CLEC9A: variants seen among roughly 807,000 people sequenced by gnomAD.
CLEC9A encodes the protein C-type lectin domain family 9 member A.
A neutral mutation model predicts 30.0 loss-of-function variants in CLEC9A; 24 were observed. The ratio of observed to expected loss-of-function variants is 0.80; its 90% CI spans 0.58 to 1.13. The LOEUF (loss-of-function observed/expected upper bound fraction) is 1.13, where lower values mean the gene tolerates loss of function less well. Among genes scored for constraint, CLEC9A ranks in the 50% most tolerant of loss-of-function variants. CLEC9A has a pLI of 0.00. For missense variants in CLEC9A, 251 were observed against 280.9 expected (o/e 0.89, Z 0.76); for synonymous variants, 111 against 96.8 (o/e 1.15, Z -0.86).
intron 3 of CLEC9A, 72 bp from the exon 4 acceptor site, chr12:10,052,557 CA>C (rs1865902704): frequency 1.4e-6 from 2 of 1,437,742 alleles, no homozygotes; most frequent in Admixed American, 5.1e-5. Flanking sequence ...TCCTTAAACA[CA>C]AACATATTTT....
chr12:10,051,450 C>G (rs922159260), intron 2 of CLEC9A, among the ~76,000 whole-genome samples: 1 of 152,170 alleles, frequency 6.6e-6, no homozygotes, highest in East Asian at 1.9e-4. Context: ...CAACTTAATT[C>G]TTCAGGTGAC....
intron 2 of CLEC9A, among the ~76,000 whole-genome samples, chr12:10,044,238 G>A (rs547408303): frequency 5.3e-5 from 8 of 152,260 alleles, no homozygotes; most frequent in African/African-American, 1.9e-4. Flanking sequence ...GTTTTCCAAT[G>A]TCCAGTCTCA....
At chr12:10,061,082 A>G (rs1865992259) in intron 5 of CLEC9A, 45 bp from the exon 6 acceptor site, 2 of 1,595,078 alleles carry the variant, frequency 1.3e-6, no homozygotes, top group South Asian at 1.2e-5. Flanking sequence ...TTATTTTGCT[A>G]TAAAATGTCA....
chr12:10,054,431 A>T, intron 5 of CLEC9A, 80 bp downstream of exon 5: 1 of 918,920 alleles, frequency 1.1e-6, no homozygotes, highest in East Asian at 2.7e-5. Flanking sequence ...TGGAAAATCA[A>T]TTCATATGTG....
rs768905306 is a variant in CLEC9A, at chr12:10,065,545, C to T, written c.639C>T (p.Tyr213=). Reference sequence around the variant, plus strand: ...AGTCAGCTAACCAAGTCTGTGGATACGTGAAAAGCAATTCCCTTCTTTCGT... The same window carrying T: ...AGTCAGCTAACCAAGTCTGTGGATATGTGAAAAGCAATTCCCTTCTTTCGT... ...RSQSANQVCG[Y]VKSNSLLSSN... Residue 213 remains tyrosine, a synonymous_variant, in exon 9 of 9, where the codon TAC becomes TAT. Transcript: ENST00000355819. 34 of 1,613,796 alleles carry T rather than the reference C, an allele frequency of 2.1e-5. No individual in the cohort carries two copies. In the Admixed American group the frequency reaches 3.7e-4, roughly 17 times the overall value.
intron 6 of CLEC9A, among the ~76,000 whole-genome samples, chr12:10,061,850 A>G (rs1866001722): frequency 6.6e-6 from 1 of 152,226 alleles, no homozygotes; most frequent in Admixed American, 6.5e-5. Context: ...CATGTATTCT[A>G]TGCTTGGCAT....
intron 2 of CLEC9A, among the ~76,000 whole-genome samples, chr12:10,050,676 C>T (rs1186371020): frequency 6.6e-6 from 1 of 152,192 alleles, no homozygotes; most frequent in Non-Finnish European, 1.5e-5. Flanking sequence ...GAAAAGGAGT[C>T]TTTCTGAGCC....
At chr12:10,044,772 T>G (rs1299738567) in intron 2 of CLEC9A, among the ~76,000 whole-genome samples, 1 of 152,186 alleles carries the variant, frequency 6.6e-6, no homozygotes, top group Non-Finnish European at 1.5e-5. Context: ...GGCTTCTTAC[T>G]GGCATCACCC....
intron 2 of CLEC9A, among the ~76,000 whole-genome samples, chr12:10,048,391 G>A (rs1201811670): frequency 2.0e-5 from 3 of 147,708 alleles, no homozygotes; most frequent in Non-Finnish European, 4.5e-5. Context: ...AAAGACAACA[G>A]TGAAGTTTGT....
rs1408381252 is a variant in CLEC9A, at chr12:10,061,128, G to T, written c.174G>T (p.Leu58Phe). The T allele has an allele frequency of 1.5e-5, 24 of 1,609,440 alleles. No individual in the cohort carries two copies. Among genetic ancestry groups the T allele is most frequent in the Non-Finnish European group, 2.0e-5 (24 of 1,178,444 alleles). Residue 58 changes from leucine (L) to phenylalanine (F), a missense_variant and splice_region_variant, in exon 6 of 9, where the codon TTG becomes TTT. Leu to Phe is a conservative substitution (Grantham distance 22, BLOSUM62 0). Coordinates refer to ENST00000355819, the MANE Select transcript of CLEC9A (RefSeq NM_207345.4). Reference sequence around the variant, plus strand: ...AGGAATGATTGCTATCATGTGAAGTGTTGCAGGTGTCCACCATTGCGATGC... The same window carrying T: ...AGGAATGATTGCTATCATGTGAAGTTTTGCAGGTGTCCACCATTGCGATGC... The part of the protein sequence containing the change: ...LTASIFLGVK[L>F]LQVSTIAMQQ...
intron 5 of CLEC9A, among the ~76,000 whole-genome samples, chr12:10,055,915 C>T (rs937261270): frequency 3.3e-5 from 5 of 151,214 alleles, no homozygotes; most frequent in African/African-American, 4.9e-5. Flanking sequence ...AAAAATTAGC[C>T]GGGAGTGGTG....
At chr12:10,052,543 C>T (rs1370301400) in intron 3 of CLEC9A, 87 bp from the exon 4 acceptor site, 2 of 1,381,806 alleles carry the variant, frequency 1.4e-6, no homozygotes, top group African/African-American at 2.9e-5. Context: ...TGCATCTATT[C>T]TACTCCTTAA....
At chr12:10,059,135 A>C (rs1170755523) in intron 5 of CLEC9A, among the ~76,000 whole-genome samples, 1 of 152,204 alleles carries the variant, frequency 6.6e-6, no homozygotes, top group Non-Finnish European at 1.5e-5. Context: ...TTTTAAACCA[A>C]TTATATAACT....
At chr12:10,052,456 C>G in intron 3 of CLEC9A, 174 bp from the exon 4 acceptor site, 1 of 1,195,610 alleles carries the variant, frequency 8.4e-7, no homozygotes, top group Non-Finnish European at 1.1e-6. Context: ...ATTCTAAATT[C>G]AGTTCTCTCT....
chr12:10,046,383 G>T (rs1199212578), intron 2 of CLEC9A, among the ~76,000 whole-genome samples: 3 of 152,126 alleles, frequency 2.0e-5, no homozygotes, highest in African/African-American at 7.2e-5. Context: ...GTAATTTTTT[G>T]TGCAAAAGAA....
chr12:10,041,586 C>T lies in CLEC9A; in HGVS notation c.-197C>T, dbSNP rs1210596126. The T allele has an allele frequency of 5.7e-6, 3 of 523,090 alleles. No individual in the cohort carries two copies. In the African/African-American group the frequency reaches 5.8e-5, roughly 10 times the overall value. The allele number at this position is 523,090 out of a possible 1,614,324, so 32.4% of individuals were successfully genotyped here. On this transcript the variant is annotated 5_prime_UTR_variant, in exon 2 of 9. Transcript: ENST00000355819. ...GAGCAGTACTGCACTGACATGAAGG[C>T]TACTCTCCTGAAGACTGACAACCAG... is the stretch of plus-strand genomic sequence containing the variant.
chr12:10,060,388 T>C (rs1452695988), intron 5 of CLEC9A, among the ~76,000 whole-genome samples: 1 of 152,264 alleles, frequency 6.6e-6, no homozygotes, highest in African/African-American at 2.4e-5. Context: ...ATAGGTGAAC[T>C]ATTTATTTAA....
At chr12:10,060,955 C>T (rs1865991179) in intron 5 of CLEC9A, 172 bp from the exon 6 acceptor site, 2 of 708,556 alleles carry the variant, frequency 2.8e-6, no homozygotes, top group South Asian at 2.3e-5. Flanking sequence ...TGTTCCACGT[C>T]TTTTGTAGTG....
chr12:10,046,435 T>G (rs545849181), intron 2 of CLEC9A, among the ~76,000 whole-genome samples: 21 of 152,280 alleles, frequency 1.4e-4, no homozygotes, highest in African/African-American at 5.1e-4. Flanking sequence ...GTTTGTAAAA[T>G]GAATAAATGC....
Sources: gnomAD v4.1 joint callset for allele counts (sites outside exome capture counted in the v4.1 genomes callset) on GRCh38, gnomAD v4.1.1 for gene constraint, MANE v1.5 for transcripts, NCBI Gene and HGNC (gene_info 2026-07-23, HGNC 2026-07-21) for gene names.